ANAPC10: variants seen among roughly 807,000 people sequenced by gnomAD.
ANAPC10 encodes the protein anaphase promoting complex subunit 10, also known as anaphase-promoting complex subunit 10.
In ANAPC10, 12 loss-of-function variants were observed where a neutral mutation model predicts 22.0. The observed-to-expected ratio is 0.55, with a 90% CI of 0.35 to 0.88. The LOEUF (loss-of-function observed/expected upper bound fraction) is 0.88. Among genes scored for constraint, ANAPC10 ranks in the 40% least tolerant of loss-of-function variants. The pLI is 0.01. For synonymous variants in ANAPC10, 65 were observed against 69.5 expected, an observed-to-expected ratio of 0.94 and a Z score of 0.32; for missense variants, 188 against 220.9, an observed-to-expected ratio of 0.85 and a Z score of 0.94.
chr4:145,043,753 T>G (rs1214046758), intron 4 of ANAPC10, among the ~76,000 whole-genome samples: 1 of 152,090 alleles, frequency 6.6e-6, no homozygotes, highest in Non-Finnish European at 1.5e-5. Context: ...TCCTACAGTA[T>G]TACAAATGAA....
At chr4:145,036,685 G>A (rs577097846) in intron 4 of ANAPC10, among the ~76,000 whole-genome samples, 2 of 152,024 alleles carry the variant, frequency 1.3e-5, no homozygotes, top group African/African-American at 4.8e-5. Flanking sequence ...TTTTACTGTA[G>A]TAAAAAGAAA....
At chr4:145,030,466 C>T (rs554353296) in intron 4 of ANAPC10, among the ~76,000 whole-genome samples, 1 of 152,322 alleles carries the variant, frequency 6.6e-6, no homozygotes, top group East Asian at 1.9e-4. Context: ...CTACTGGACA[C>T]TGGCTCTGAG....
chr4:145,053,513 T>C lies in ANAPC10; in HGVS notation c.327+11059A>G, dbSNP rs753633160. ...ATTAATTAGCTATCTAATTACAAAGTAGGCAACAGATTCTAAAAAAGTGGT... is the reference window on the plus strand; with the variant it reads ...ATTAATTAGCTATCTAATTACAAAGCAGGCAACAGATTCTAAAAAAGTGGT... On this transcript the variant is annotated intron_variant, in intron 4 of 4. Transcript: ENST00000507656. 7.9e-5 allele frequency among the ~76,000 whole-genome samples: 12 copies of C among 152,194 alleles called. 1 individual carries two copies. The highest frequency in any genetic ancestry group is 1.8e-4 in the Non-Finnish European group (12 of 68,030).
intron 4 of ANAPC10, among the ~76,000 whole-genome samples, chr4:145,033,669 C>T (rs1376098642): frequency 6.6e-6 from 1 of 152,142 alleles, no homozygotes; most frequent in Non-Finnish European, 1.5e-5. Context: ...GACCCAGACC[C>T]TTCAGGAACA....
In ANAPC10 at chr4:145,096,019, T is replaced by C. The variant is rs976833580; in HGVS notation, c.81A>G (p.Ser27=). The C allele has an allele frequency of 3.1e-6, 5 of 1,614,110 alleles. No individual in the cohort carries two copies. The highest frequency in any genetic ancestry group is 4.2e-6 in the Non-Finnish European group (5 of 1,179,972). The change falls in exon 2 of 5, where the codon TCA becomes TCG. Residue 27 remains serine, a synonymous_variant. Transcript: ENST00000507656. ...AAGATGAGAGTGACCAAACAGCTTG[T>C]GACCCAATTTCCCGTACTGTTCCAG... is the stretch of plus-strand genomic sequence containing the variant. ...ERTGTVREIG[S]QAVWSLSSCK...
At chr4:145,054,515 C>T (rs1034017067) in intron 4 of ANAPC10, among the ~76,000 whole-genome samples, 2 of 150,030 alleles carry the variant, frequency 1.3e-5, no homozygotes, top group African/African-American at 4.9e-5. Context: ...CGAGATCGCG[C>T]CACTGCACTC....
At chr4:145,054,427 A>G (rs1290136226) in intron 4 of ANAPC10, among the ~76,000 whole-genome samples, 2 of 150,858 alleles carry the variant, frequency 1.3e-5, no homozygotes, top group Non-Finnish European at 3.0e-5. Context: ...GCATGGTGGC[A>G]GGCGCCTGTA....
At chr4:144,999,372 A>C (rs753332008) in intron 4 of ANAPC10, 1 of 152,324 alleles carries the variant, frequency 6.6e-6, no homozygotes, top group Non-Finnish European at 1.5e-5. Context: ...AAAAATCACA[A>C]GCATTCCTCT....
In ANAPC10 at chr4:145,097,523, G is replaced by T. The variant is rs375911670; in HGVS notation, c.-13+597C>A. 5 of 1,287,136 alleles carry T rather than the reference G, an allele frequency of 3.9e-6. No homozygotes were observed. The East Asian group carries it at 1.7e-4, about 43-fold the overall frequency. 79.7% of individuals were successfully genotyped at this position (1,287,136 alleles called of 1,614,324 possible). ...TTCCTTGACACCTCCCATTGTATCC[G>T]AAGTTGTTCTTTAATCGGCACACAA... is the stretch of plus-strand genomic sequence containing the variant. On this transcript the variant is annotated intron_variant, in intron 1 of 4. Transcript: ENST00000507656.
At chr4:145,053,735 A>C (rs757913733) in intron 4 of ANAPC10, 1 of 643,728 alleles carries the variant, frequency 1.6e-6, no homozygotes, top group South Asian at 1.8e-5. Flanking sequence ...CTTTATCCTG[A>C]GACTTGAAGA....
intron 4 of ANAPC10, among the ~76,000 whole-genome samples, chr4:145,039,476 TATGAG>T (rs748523246): frequency 6.6e-5 from 10 of 152,240 alleles, no homozygotes; most frequent in Non-Finnish European, 1.2e-4. Flanking sequence ...TTTCCTTTTC[TATGAG>T]ATAATAATAA....
chr4:145,070,683 A>G (rs1438920259), intron 3 of ANAPC10, among the ~76,000 whole-genome samples: 1 of 152,244 alleles, frequency 6.6e-6, no homozygotes, highest in African/African-American at 2.4e-5. Flanking sequence ...ACTTGAACAG[A>G]TATTTGCACA....
chr4:145,096,046 C>T lies in ANAPC10; in HGVS notation c.54G>A (p.Arg18=), dbSNP rs745854313. 2.5e-5 allele frequency: 41 copies of T among 1,613,994 alleles called. No homozygotes were observed. In the South Asian group the frequency reaches 4.3e-4, roughly 17 times the overall value. Residue 18 remains arginine (R), a synonymous_variant, in exon 2 of 5, where the codon AGG becomes AGA. Transcript: ENST00000507656. The part of the protein sequence containing the change: ...PPGADPKQLE[R]TGTVREIGSQ... The stretch of plus-strand genomic sequence containing the variant: ...ACCCAATTTCCCGTACTGTTCCAGT[C>T]CTTTCCAACTGCTTGGGGTCAGCAC...
chr4:144,996,420 T>C (rs1290259189), intron 4 of ANAPC10, among the ~76,000 whole-genome samples: 1 of 152,136 alleles, frequency 6.6e-6, no homozygotes, highest in Non-Finnish European at 1.5e-5. Context: ...GCTGCTGCTG[T>C]GCTGGTCTAA....
At chr4:145,091,074 C>G (rs536806117) in intron 2 of ANAPC10, among the ~76,000 whole-genome samples, 4 of 152,160 alleles carry the variant, frequency 2.6e-5, no homozygotes, top group Non-Finnish European at 4.4e-5. Context: ...AGACTCAAAG[C>G]TCAAAATCAC....
intron 4 of ANAPC10, among the ~76,000 whole-genome samples, chr4:145,061,002 A>AT: frequency 6.6e-6 from 1 of 152,142 alleles, no homozygotes; most frequent in Non-Finnish European, 1.5e-5. Context: ...CTAACAATTT[A>AT]AAGCAACATC....
rs201493778 is a variant in ANAPC10 at position 145,012,174 on chromosome 4, G to GTATATATATATTA, written c.328-16572_328-16571insTAATATATATATA. On this transcript the variant is annotated intron_variant, in intron 4 of 4. Transcript: ENST00000507656. ...ACAAGCTATATGTATATGTGTGTGT[G>GTATATATATATTA]TGTATATATATATATATATATACAC... Among the ~76,000 whole-genome samples, 5 of 133,464 alleles carry GTATATATATATTA rather than the reference G, an allele frequency of 3.7e-5. No homozygotes were observed. The East Asian group carries it at 1.1e-3, about 29-fold the overall frequency. 87.6% of individuals were successfully genotyped at this position (133,464 alleles called of 152,430 possible).
intron 3 of ANAPC10, 122 bp downstream of exon 3, chr4:145,081,538 T>A: frequency 1.7e-6 from 1 of 603,360 alleles, no homozygotes; most frequent in Middle Eastern, 4.7e-4. Context: ...CTATAAGACT[T>A]CAGAGTTTAA....
intron 3 of ANAPC10, 25 bp downstream of exon 3, chr4:145,081,635 A>G: frequency 6.6e-7 from 1 of 1,506,832 alleles, no homozygotes; most frequent in Non-Finnish European, 9.2e-7. Context: ...ACAGTAGATG[A>G]AAAATTTGAA....
Sources: gnomAD v4.1 joint callset for allele counts (sites outside exome capture counted in the v4.1 genomes callset) on GRCh38, gnomAD v4.1.1 for gene constraint, MANE v1.5 for transcripts, NCBI Gene and HGNC (gene_info 2026-07-23, HGNC 2026-07-21) for gene names.